Variants in ROBO1 observed in about 807,000 individuals in gnomAD.
The protein encoded by ROBO1 is roundabout homolog 1.
A neutral mutation model predicts 195.9 loss-of-function variants in ROBO1; 149 were observed. The ratio of observed to expected loss-of-function variants is 0.76; its 90% CI spans 0.67 to 0.87. The LOEUF (loss-of-function observed/expected upper bound fraction) is 0.87, where lower values mean the gene tolerates loss of function less well. Ranked by LOEUF, ROBO1 falls within the 40% of genes least tolerant of loss-of-function variation. The pLI is 0.00. For missense variants in ROBO1, 1,933 were observed against 2,068.3 expected (o/e 0.93, Z 1.27); for synonymous variants, 816 against 733.2 (o/e 1.11, Z -1.82).
At chr3:78,884,864 T>G (rs57100976) in intron 4 of ROBO1, among the ~76,000 whole-genome samples, 13 of 67,572 alleles carry the variant, frequency 1.9e-4, no homozygotes, top group African/African-American at 1.7e-3. Context: ...CTCTCTCTCT[T>G]TCTGTGTGTG....
At chr3:79,300,455 G>A (rs1030515607) in intron 2 of ROBO1, among the ~76,000 whole-genome samples, 9 of 152,198 alleles carry the variant, frequency 5.9e-5, no homozygotes, top group East Asian at 5.8e-4. Flanking sequence ...CTGCCTTCCC[G>A]CGGGGCAGGG....
chr3:78,958,435 C>T (rs2041154707), intron 3 of ROBO1, among the ~76,000 whole-genome samples: 1 of 152,164 alleles, frequency 6.6e-6, no homozygotes. Flanking sequence ...GCTAACATTT[C>T]AATGGTTTAA....
At chr3:79,070,801 CCAA>C (rs2079074835) in intron 3 of ROBO1, among the ~76,000 whole-genome samples, 1 of 151,732 alleles carries the variant, frequency 6.6e-6, no homozygotes, top group African/African-American at 2.4e-5. Flanking sequence ...TCACTTTCAG[CCAA>C]CATACTCATG....
chr3:79,439,091 T>C (rs1454204522), intron 2 of ROBO1, among the ~76,000 whole-genome samples: 4 of 152,094 alleles, frequency 2.6e-5, no homozygotes, highest in Non-Finnish European at 5.9e-5. Context: ...GAACATTTAG[T>C]TATGTTTCTC....
chr3:79,485,027 C>A (rs1939084131), intron 2 of ROBO1, among the ~76,000 whole-genome samples: 1 of 152,022 alleles, frequency 6.6e-6, no homozygotes, highest in Non-Finnish European at 1.5e-5. Flanking sequence ...GCTGGGATTA[C>A]AGGCGTGAGC....
At chr3:78,971,665 G>T (rs1411417549) in intron 3 of ROBO1, among the ~76,000 whole-genome samples, 1 of 152,102 alleles carries the variant, frequency 6.6e-6, no homozygotes, top group African/African-American at 2.4e-5. Context: ...AGATCTAATG[G>T]ACAAATAAAA....
intron 1 of ROBO1, among the ~76,000 whole-genome samples, chr3:79,735,488 A>G (rs1373841345): frequency 6.6e-6 from 1 of 152,078 alleles, no homozygotes; most frequent in African/African-American, 2.4e-5. Context: ...AAAGTCATCC[A>G]CCTCCTGTAT....
chr3:79,518,871 G>C (rs1941072689), intron 2 of ROBO1, among the ~76,000 whole-genome samples: 1 of 151,126 alleles, frequency 6.6e-6, no homozygotes, highest in African/African-American at 2.4e-5. Context: ...GTAGAGACGG[G>C]GTTTCACCAT....
intron 4 of ROBO1, among the ~76,000 whole-genome samples, chr3:78,834,118 A>AACAGTGAATGAATTAGGAAGAGAT (rs1393926964): frequency 6.6e-6 from 1 of 152,164 alleles, no homozygotes; most frequent in Non-Finnish European, 1.5e-5. Context: ...AGAGAAGGAC[A>AACAGTGAATGAATTAGGAAGAGAT]ACAGTGAATG....
chr3:78,806,643 A>T (rs951863949), intron 4 of ROBO1, among the ~76,000 whole-genome samples: 1 of 152,240 alleles, frequency 6.6e-6, no homozygotes, highest in Non-Finnish European at 1.5e-5. Flanking sequence ...AAGACCCTGA[A>T]GTATTCTATT....
intron 1 of ROBO1, among the ~76,000 whole-genome samples, chr3:79,724,400 G>A (rs1468616307): frequency 6.6e-6 from 1 of 152,146 alleles, no homozygotes; most frequent in Non-Finnish European, 1.5e-5. Flanking sequence ...TCCCAGCCTT[G>A]CATACTTCTC....
chr3:79,383,190 T>C (rs2036629019), intron 2 of ROBO1, among the ~76,000 whole-genome samples: 1 of 152,116 alleles, frequency 6.6e-6, no homozygotes, highest in African/African-American at 2.4e-5. Context: ...GCAAGATCAA[T>C]GCCACACAAT....
chr3:78,847,031 C>T (rs1403130399), intron 4 of ROBO1, among the ~76,000 whole-genome samples: 3 of 152,070 alleles, frequency 2.0e-5, no homozygotes, highest in Non-Finnish European at 2.9e-5. Flanking sequence ...AATGCTGTGT[C>T]TCAGCTTGAA....
chr3:79,617,847 T>C (rs917841575), intron 1 of ROBO1, among the ~76,000 whole-genome samples: 1 of 76,180 alleles, frequency 1.3e-5, no homozygotes, highest in African/African-American at 5.2e-5. Flanking sequence ...AAAAGAGCAA[T>C]CCAAGAGAAC....
intron 10 of ROBO1, among the ~76,000 whole-genome samples, chr3:78,677,940 C>T (rs1708541331): frequency 6.6e-6 from 1 of 151,554 alleles, no homozygotes; most frequent in South Asian, 2.1e-4. Flanking sequence ...CTCTCCTCAG[C>T]AAATGTAAAA....
intron 1 of ROBO1, among the ~76,000 whole-genome samples, chr3:79,641,772 C>T (rs2106672180): frequency 6.6e-6 from 1 of 152,196 alleles, no homozygotes; most frequent in African/African-American, 2.4e-5. Context: ...AATTCCAGCA[C>T]TTTTGGAGGC....
intron 14 of ROBO1, among the ~76,000 whole-genome samples, chr3:78,664,798 C>T (rs781527770): frequency 6.6e-6 from 1 of 152,130 alleles, no homozygotes; most frequent in Non-Finnish European, 1.5e-5. Flanking sequence ...CCTCATTTTT[C>T]TCCTTGCTGT....
intron 1 of ROBO1, among the ~76,000 whole-genome samples, chr3:79,682,345 T>C (rs994046648): frequency 2.1e-5 from 3 of 144,588 alleles, no homozygotes; most frequent in Non-Finnish European, 3.0e-5. Flanking sequence ...ATAAATAACA[T>C]CTTATGACTT....
intron 8 of ROBO1, among the ~76,000 whole-genome samples, chr3:78,711,357 TCCTTCCTTCCTTCCTTCCTTC>T (rs2081705103): frequency 2.7e-5 from 1 of 37,372 alleles, no homozygotes; most frequent in African/African-American, 1.5e-4. Context: ...CCTCCTTCCT[TCCTTCCTTCCTTCCTTCCTTC>T]CTTCCTTCCT....
Sources: gnomAD v4.1 joint callset for allele counts (sites outside exome capture counted in the v4.1 genomes callset) on GRCh38, gnomAD v4.1.1 for gene constraint, MANE v1.5 for transcripts, NCBI Gene and HGNC (gene_info 2026-07-23, HGNC 2026-07-21) for gene names.